The following KIF13A variants were observed in gnomAD, a reference collection of about 807,000 sequenced individuals.
The protein encoded by KIF13A is kinesin family member 13A.
Under a neutral mutation model 212.2 loss-of-function variants are expected in KIF13A, and 79 were observed. The observed-to-expected ratio is 0.37, with a 90% CI of 0.31 to 0.45. The LOEUF is 0.45. KIF13A is among the 20% of genes least tolerant of loss of function. The probability of loss-of-function intolerance (pLI) is 1.00; values close to 1 mark genes in which losing one functional copy is unlikely to be tolerated. For synonymous variants in KIF13A, 789 were observed against 808.6 expected, an observed-to-expected ratio of 0.98 and a Z score of 0.41; for missense variants, 1,901 against 2,209.0, an observed-to-expected ratio of 0.86 and a Z score of 2.79.
At chr6:17,879,826 T>G (rs1770898019) in intron 3 of KIF13A, among the ~76,000 whole-genome samples, 1 of 152,264 alleles carries the variant, frequency 6.6e-6, no homozygotes, top group Admixed American at 6.5e-5. Context: ...CAAGGTTTGT[T>G]ACAAAAGGAG....
chr6:17,942,289 G>C (rs1241930466), intron 2 of KIF13A, among the ~76,000 whole-genome samples: 2 of 151,708 alleles, frequency 1.3e-5, no homozygotes, highest in African/African-American at 2.4e-5. Flanking sequence ...GTGACACAGT[G>C]AGACCTGTCT....
At chr6:17,965,736 T>C (rs1779245710) in intron 2 of KIF13A, among the ~76,000 whole-genome samples, 1 of 152,252 alleles carries the variant, frequency 6.6e-6, no homozygotes, top group African/African-American at 2.4e-5. Context: ...TATGTTTGTC[T>C]TTTTGGTGAT....
At chr6:17,873,329 A>C (rs41267728) in intron 4 of KIF13A, 48 bp downstream of exon 4, 144,523 of 1,259,354 alleles carry the variant, frequency 0.11, 9,790 homozygotes, top group Middle Eastern at 0.14. Flanking sequence ...ACTCAATGGA[A>C]GAAGAGGCCA....
chr6:17,816,135 T>C lies in KIF13A; in HGVS notation c.2000+885A>G, dbSNP rs1471677810. Among the ~76,000 whole-genome samples the C allele has an allele frequency of 6.6e-6, 1 of 152,020 alleles. No homozygotes were observed. Among genetic ancestry groups the C allele is most frequent in the African/African-American group, 2.4e-5 (1 of 41,396 alleles). The stretch of plus-strand genomic sequence containing the variant: ...GGTTTCACCATGTTGGCCAGGCTGG[T>C]CTGGAACTCCTGACCTCAGGCGATC... On this transcript the variant is annotated intron_variant, in intron 17 of 38. Coordinates refer to ENST00000259711, the MANE Select transcript of KIF13A (RefSeq NM_022113.6). The surrounding 1 kb of genome is among the most constrained non-coding windows in gnomAD (Gnocchi z 4.3).
intron 12 of KIF13A, among the ~76,000 whole-genome samples, chr6:17,832,729 A>T (rs1765556325): frequency 2.0e-5 from 3 of 151,908 alleles, no homozygotes; most frequent in African/African-American, 7.3e-5. Flanking sequence ...TCACAAAACA[A>T]GGCTGGGCAC....
At chr6:17,881,570 G>A (rs751069095) in intron 3 of KIF13A, 26 of 391,744 alleles carry the variant, frequency 6.6e-5, no homozygotes, top group South Asian at 3.5e-4. Context: ...GGCAGTGCAC[G>A]CCTGTAATCC....
intron 22 of KIF13A, among the ~76,000 whole-genome samples, chr6:17,798,970 T>C (rs539302752): frequency 2.7e-4 from 41 of 152,338 alleles, no homozygotes; most frequent in African/African-American, 9.9e-4. Flanking sequence ...TGTATGTACA[T>C]ATGTTATGAC....
chr6:17,766,745 G>A (rs1207469668), intron 38 of KIF13A, among the ~76,000 whole-genome samples: 1 of 151,954 alleles, frequency 6.6e-6, no homozygotes, highest in Non-Finnish European at 1.5e-5. Context: ...CTTTTTAATC[G>A]AGGTGGGGAG....
chr6:17,847,030 T>C (rs529259732), intron 9 of KIF13A, among the ~76,000 whole-genome samples: 2 of 152,334 alleles, frequency 1.3e-5, no homozygotes, highest in Non-Finnish European at 2.9e-5. Flanking sequence ...TTGATGCTGA[T>C]GTGACATTGC....
rs2150502690 is a variant in KIF13A, at chr6:17,910,090, T to C, written c.147-11910A>G. 1.3e-5 allele frequency among the ~76,000 whole-genome samples: 2 copies of C among 152,300 alleles called. 1 individual carries two copies. The highest frequency in any genetic ancestry group is 4.1e-4 in the South Asian group (2 of 4,824). ...AGCCATACCTACATGTAAGGTACAATACAGCTCCATGACAGTGAAACTGAG... is the reference window on the plus strand; with the variant it reads ...AGCCATACCTACATGTAAGGTACAACACAGCTCCATGACAGTGAAACTGAG... On this transcript the variant is annotated intron_variant, in intron 2 of 38. Coordinates refer to ENST00000259711, the MANE Select transcript of KIF13A (RefSeq NM_022113.6).
At chr6:17,903,849 C>T (rs1773260836) in intron 2 of KIF13A, among the ~76,000 whole-genome samples, 1 of 152,104 alleles carries the variant, frequency 6.6e-6, no homozygotes, top group African/African-American at 2.4e-5. Flanking sequence ...CACTAGAAAA[C>T]AGTACAGTTG....
At chr6:17,761,281 T>C (rs1758572112), downstream of KIF13A, among the ~76,000 whole-genome samples, 2 of 152,234 alleles carry the variant, frequency 1.3e-5, no homozygotes, top group African/African-American at 2.4e-5. Context: ...AGTCTCGTTA[T>C]GTTGCCCACG....
At chr6:17,980,372 G>A (rs73373200) in intron 2 of KIF13A, among the ~76,000 whole-genome samples, 1,748 of 152,212 alleles carry the variant, frequency 0.011, 26 homozygotes, top group African/African-American at 0.04. Context: ...ACAAAATGGA[G>A]GCAGGAAACC....
chr6:17,958,876 C>CTTTT lies in KIF13A; in HGVS notation c.146+28174_146+28177dup, dbSNP rs398000716. On this transcript the variant is annotated intron_variant, in intron 2 of 38. Coordinates refer to ENST00000259711, the MANE Select transcript of KIF13A (RefSeq NM_022113.6). The stretch of plus-strand genomic sequence containing the variant: ...AACATTTGTGTGTCTTTTTCTTTTT[C>CTTTT]TTTTTTTTTTTTTTTTTTTTTTTGA... Among the ~76,000 whole-genome samples the CTTTT allele has an allele frequency of 4.9e-4, 41 of 83,038 alleles. 1 individual carries two copies. Among genetic ancestry groups the CTTTT allele is most frequent in the South Asian group, 9.8e-4 (2 of 2,032 alleles). 54.5% of individuals were successfully genotyped at this position (83,038 alleles called of 152,430 possible). A position where few individuals can be genotyped will look rare whatever the true frequency, so the allele number is the denominator to read the frequency against.
At chr6:17,940,589 C>T (rs1292452541) in intron 2 of KIF13A, among the ~76,000 whole-genome samples, 1 of 152,094 alleles carries the variant, frequency 6.6e-6, no homozygotes, top group Admixed American at 6.6e-5. Flanking sequence ...TCCCTGTTCC[C>T]CTTACCAGAC....
chr6:17,777,204 G>T lies in KIF13A; in HGVS notation c.4170+73C>A. 8.3e-7 allele frequency: 1 copy of T among 1,210,736 alleles called. No homozygotes were observed. The highest frequency in any genetic ancestry group is 1.2e-6 in the Non-Finnish European group (1 of 832,816). 75.0% of individuals were successfully genotyped at this position (1,210,736 alleles called of 1,614,324 possible). ...TCCATAAGCTCTACTGCCACTGTGTGAATCCCACCTTCCCCCACCCCAGAG... is the reference window on the plus strand; with the variant it reads ...TCCATAAGCTCTACTGCCACTGTGTTAATCCCACCTTCCCCCACCCCAGAG... On this transcript the variant is annotated intron_variant, in intron 34 of 38. Coordinates refer to ENST00000259711, the MANE Select transcript of KIF13A (RefSeq NM_022113.6). This position sits in a 1 kb window ranked among gnomAD's most constrained non-coding sequence, Gnocchi z 4.4.
intron 2 of KIF13A, among the ~76,000 whole-genome samples, chr6:17,962,136 C>T (rs1341123543): frequency 6.6e-6 from 1 of 151,860 alleles, no homozygotes; most frequent in Non-Finnish European, 1.5e-5. Flanking sequence ...CATGGTGAAA[C>T]CCCATCTCTA....
chr6:17,949,927 CTGAT>C (rs962174762), intron 2 of KIF13A, among the ~76,000 whole-genome samples: 1 of 152,108 alleles, frequency 6.6e-6, no homozygotes, highest in Non-Finnish European at 1.5e-5. Flanking sequence ...ATAAAACACA[CTGAT>C]TAACTAACAT....
intron 4 of KIF13A, among the ~76,000 whole-genome samples, chr6:17,861,383 G>C (rs1437010129): frequency 7.2e-6 from 1 of 139,256 alleles, no homozygotes; most frequent in Non-Finnish European, 1.6e-5. Context: ...TTTTTAACAG[G>C]AGCTCAGCTT....
Sources: allele counts gnomAD v4.1 joint callset (sites outside exome capture counted in the v4.1 genomes callset), GRCh38; gene constraint gnomAD v4.1.1; non-coding constraint Gnocchi (gnomAD v3.1); transcripts MANE v1.5; gene names NCBI Gene and HGNC (gene_info 2026-07-23, HGNC 2026-07-21).